SLC24A2: variants seen among roughly 807,000 people sequenced by gnomAD.
SLC24A2 encodes the protein solute carrier family 24 member 2, also known as sodium/potassium/calcium exchanger 2.
Under a neutral mutation model 62.0 loss-of-function variants are expected in SLC24A2, and 36 were observed. The observed-to-expected ratio is 0.58, with a 90% CI of 0.44 to 0.77. SLC24A2 has a LOEUF of 0.77. SLC24A2 is among the 30% of genes least tolerant of loss of function. The pLI is 0.00. For synonymous variants in SLC24A2, 358 were observed against 294.0 expected, an observed-to-expected ratio of 1.22 and a Z score of -2.23; for missense variants, 846 against 817.9, an observed-to-expected ratio of 1.03 and a Z score of -0.42.
chr9:19,887,964 T>A, the SLC24A2 span, among the ~76,000 whole-genome samples: 4 of 152,094 alleles, frequency 2.6e-5, no homozygotes, highest in African/African-American at 9.7e-5. Context: ...AGGATGCAAA[T>A]GGACTTTGGG....
chr9:20,186,721 T>C, the SLC24A2 span, among the ~76,000 whole-genome samples: 1 of 152,158 alleles, frequency 6.6e-6, no homozygotes, highest in Non-Finnish European at 1.5e-5. Context: ...ATAATGCCTA[T>C]CTCCTCAAAT....
Position 19,515,982 on chromosome 9 carries a change from T to C in SLC24A2, c.*171A>G. On this transcript the variant is annotated 3_prime_UTR_variant, in exon 11 of 11. Transcript: ENST00000341998. ...TTCAGTAGGCAGGGTGGAAGCAGCCTGTGAAGTGAATGGGCCCAGTGTGAA... is the reference window on the plus strand; with the variant it reads ...TTCAGTAGGCAGGGTGGAAGCAGCCCGTGAAGTGAATGGGCCCAGTGTGAA... 1.2e-6 allele frequency: 1 copy of C among 816,840 alleles called. No individual in the cohort carries two copies. Among genetic ancestry groups the C allele is most frequent in the East Asian group, 2.5e-5 (1 of 40,150 alleles). 50.6% of individuals were successfully genotyped at this position (816,840 alleles called of 1,614,324 possible). A position where few individuals can be genotyped will look rare whatever the true frequency, so the allele number is the denominator to read the frequency against.
intron 5 of SLC24A2, among the ~76,000 whole-genome samples, chr9:19,592,546 C>A (rs928759042): frequency 2.0e-5 from 3 of 151,732 alleles, no homozygotes; most frequent in African/African-American, 7.2e-5. Context: ...ACCTACCTAT[C>A]TACCTATCTA....
At chr9:19,814,766 G>T in the SLC24A2 span, among the ~76,000 whole-genome samples, 1 of 152,068 alleles carries the variant, frequency 6.6e-6, no homozygotes, top group Non-Finnish European at 1.5e-5. Flanking sequence ...TAGACATTAG[G>T]AATCTCTTGC....
At chr9:20,079,401 G>C in the SLC24A2 span, among the ~76,000 whole-genome samples, 1 of 151,950 alleles carries the variant, frequency 6.6e-6, no homozygotes, top group Non-Finnish European at 1.5e-5. Context: ...TACTTTTCTT[G>C]CAATTTTCTG....
the SLC24A2 span, among the ~76,000 whole-genome samples, chr9:19,933,883 TATG>T: frequency 6.6e-6 from 1 of 152,216 alleles, no homozygotes; most frequent in African/African-American, 2.4e-5. Flanking sequence ...CCACATGTAG[TATG>T]ATTCCATTTA....
chr9:20,145,962 T>G, the SLC24A2 span, among the ~76,000 whole-genome samples: 1 of 152,126 alleles, frequency 6.6e-6, no homozygotes, highest in Non-Finnish European at 1.5e-5. Flanking sequence ...AGTACATATT[T>G]TTCTATGCAG....
the SLC24A2 span, among the ~76,000 whole-genome samples, chr9:19,892,373 C>A: frequency 2.0e-5 from 3 of 152,290 alleles, no homozygotes; most frequent in East Asian, 5.8e-4. Flanking sequence ...TGTTTTGTGT[C>A]TGTTTTATCC....
the SLC24A2 span, among the ~76,000 whole-genome samples, chr9:19,915,596 TTTTC>T: frequency 1.3e-5 from 2 of 152,098 alleles, no homozygotes; most frequent in African/African-American, 4.8e-5. Context: ...CCAACAGTTA[TTTTC>T]TTGGCTTATT....
At chr9:19,801,685 C>G in the SLC24A2 span, among the ~76,000 whole-genome samples, 191 of 152,258 alleles carry the variant, frequency 1.3e-3, 2 homozygotes, top group African/African-American at 4.5e-3. Context: ...TTAGTGAGCT[C>G]TCTTTACTAT....
At chr9:19,988,834 A>C in the SLC24A2 span, among the ~76,000 whole-genome samples, 1 of 151,974 alleles carries the variant, frequency 6.6e-6, no homozygotes, top group Non-Finnish European at 1.5e-5. Flanking sequence ...CTCCCCTTTC[A>C]CTCCAGATCT....
chr9:19,936,903 A>T, the SLC24A2 span, among the ~76,000 whole-genome samples: 1 of 152,160 alleles, frequency 6.6e-6, no homozygotes, highest in African/African-American at 2.4e-5. Flanking sequence ...GGGGAGTGGG[A>T]TGGGGTGGAG....
intron 4 of SLC24A2, among the ~76,000 whole-genome samples, chr9:19,604,789 T>A (rs1836936960): frequency 6.6e-6 from 1 of 152,196 alleles, no homozygotes; most frequent in Admixed American, 6.5e-5. Context: ...TGACAGTAAT[T>A]CAAGGTAAAA....
At chr9:19,706,801 C>A (rs1394504765) in intron 2 of SLC24A2, among the ~76,000 whole-genome samples, 1 of 152,052 alleles carries the variant, frequency 6.6e-6, no homozygotes, top group Admixed American at 6.5e-5. Context: ...CAAGAGAAAG[C>A]AGGAAAGATC....
At chr9:19,789,227 A>G (rs1823273166), upstream of SLC24A2, among the ~76,000 whole-genome samples, 1 of 152,230 alleles carries the variant, frequency 6.6e-6, no homozygotes, top group African/African-American at 2.4e-5. Flanking sequence ...CGCAGTGTGG[A>G]CGGGGGTCAG....
chr9:20,271,695 C>T, the SLC24A2 span, among the ~76,000 whole-genome samples: 1 of 152,116 alleles, frequency 6.6e-6, no homozygotes, highest in Non-Finnish European at 1.5e-5. Context: ...AAAGCATCTA[C>T]AAGCAACACA....
the SLC24A2 span, among the ~76,000 whole-genome samples, chr9:20,292,088 G>C: frequency 1.3e-5 from 2 of 152,152 alleles, no homozygotes; most frequent in African/African-American, 4.8e-5. Flanking sequence ...CTGGGGTGTT[G>C]TGTTTCTACA....
chr9:19,565,445 A>G (rs2132820434), intron 7 of SLC24A2, among the ~76,000 whole-genome samples: 1 of 151,198 alleles, frequency 6.6e-6, no homozygotes, highest in Admixed American at 6.6e-5. Flanking sequence ...ACTACAAACC[A>G]CTGCTCAATG....
chr9:20,225,989 G>A, the SLC24A2 span, among the ~76,000 whole-genome samples: 1 of 152,028 alleles, frequency 6.6e-6, no homozygotes, highest in Non-Finnish European at 1.5e-5. Context: ...GAAAGTGAAG[G>A]AAGGAGGAAA....
Sources: gnomAD v4.1 joint callset for allele counts (sites outside exome capture counted in the v4.1 genomes callset) on GRCh38, gnomAD v4.1.1 for gene constraint, MANE v1.5 for transcripts, NCBI Gene and HGNC (gene_info 2026-07-23, HGNC 2026-07-21) for gene names.